Variants in C8A observed in about 807,000 individuals in gnomAD.
C8A encodes complement component C8 alpha chain.
Under a neutral mutation model 65.3 loss-of-function variants are expected in C8A, and 67 were observed. That is an observed-to-expected ratio of 1.03 (90% CI 0.84 to 1.26). The LOEUF is 1.26. Ranked by LOEUF, C8A falls within the 50% of genes most tolerant of loss-of-function variation. C8A has a pLI of 0.00. For missense variants in C8A, 781 were observed against 723.9 expected (o/e 1.08, Z -0.90); for synonymous variants, 290 against 259.4 (o/e 1.12, Z -1.13).
At chr1:56,856,452 T>A (rs929187947) in intron 1 of C8A, among the ~76,000 whole-genome samples, 5 of 152,132 alleles carry the variant, frequency 3.3e-5, no homozygotes, top group African/African-American at 1.2e-4. Context: ...GTTATTGTTA[T>A]TTTTTGGTAT....
At chr1:56,909,403 T>A (rs1644490085) in intron 9 of C8A, among the ~76,000 whole-genome samples, 1 of 152,246 alleles carries the variant, frequency 6.6e-6, no homozygotes, top group Non-Finnish European at 1.5e-5. Flanking sequence ...ACAGGTCAGA[T>A]GGATCAACCT....
chr1:56,863,195 C>G (rs1308146184), intron 1 of C8A, among the ~76,000 whole-genome samples: 2 of 152,146 alleles, frequency 1.3e-5, no homozygotes, highest in East Asian at 3.9e-4. Flanking sequence ...CATTTATGAT[C>G]TTTCTTATGT....
chr1:56,887,848 C>G (rs113748729), intron 7 of C8A, among the ~76,000 whole-genome samples: 1 of 152,096 alleles, frequency 6.6e-6, no homozygotes, highest in South Asian at 2.1e-4. Flanking sequence ...ATGGGTGAAA[C>G]TGGAAACCAT....
intron 5 of C8A, among the ~76,000 whole-genome samples, chr1:56,882,913 C>T (rs1281644144): frequency 2.6e-5 from 4 of 152,182 alleles, no homozygotes; most frequent in African/African-American, 9.6e-5. Context: ...TCCATTTCAA[C>T]ACATGCTCTC....
intron 2 of C8A, among the ~76,000 whole-genome samples, chr1:56,873,222 C>A (rs1229295620): frequency 6.6e-6 from 1 of 152,188 alleles, no homozygotes; most frequent in Admixed American, 6.5e-5. Flanking sequence ...ATGGAATCAC[C>A]TGGAAATACT....
intron 4 of C8A, among the ~76,000 whole-genome samples, chr1:56,876,957 C>A (rs1362401425): frequency 2.0e-5 from 3 of 152,238 alleles, no homozygotes; most frequent in Non-Finnish European, 4.4e-5. Flanking sequence ...CCCAATGTGA[C>A]TGAATTAGGA....
intron 1 of C8A, among the ~76,000 whole-genome samples, chr1:56,867,390 G>C (rs1451496830): frequency 3.3e-5 from 5 of 152,030 alleles, no homozygotes; most frequent in African/African-American, 1.2e-4. Context: ...TTGATGCATG[G>C]GGGACTGATA....
At chr1:56,888,809 C>T (rs1326562463) in intron 7 of C8A, among the ~76,000 whole-genome samples, 2 of 152,162 alleles carry the variant, frequency 1.3e-5, no homozygotes, top group African/African-American at 2.4e-5. Context: ...CACATATTCT[C>T]ATTTAATTTT....
chr1:56,902,714 A>G (rs1644435917), intron 7 of C8A, among the ~76,000 whole-genome samples: 1 of 152,144 alleles, frequency 6.6e-6, no homozygotes, highest in Admixed American at 6.5e-5. Flanking sequence ...GACTATTCAT[A>G]TATCTAATAT....
chr1:56,873,213 T>C (rs1270802812), intron 2 of C8A, among the ~76,000 whole-genome samples: 1 of 152,196 alleles, frequency 6.6e-6, no homozygotes, highest in Non-Finnish European at 1.5e-5. Context: ...AACTCACCCA[T>C]GGAATCACCT....
chr1:56,859,893 C>G (rs374189704), intron 1 of C8A, among the ~76,000 whole-genome samples: 1 of 152,088 alleles, frequency 6.6e-6, no homozygotes, highest in Non-Finnish European at 1.5e-5. Context: ...GAAACTCTGT[C>G]TCTACTAAAA....
chr1:56,885,620 C>T (rs545622749), intron 6 of C8A, among the ~76,000 whole-genome samples: 1 of 146,276 alleles, frequency 6.8e-6, no homozygotes, highest in Non-Finnish European at 1.5e-5. Flanking sequence ...GGAGCGATCT[C>T]GGCTCACCGC....
Position 56,918,003 on chromosome 1 carries a change from G to A in C8A, c.*287G>A, listed in dbSNP as rs1644567613. 1 of 320,896 alleles carries A rather than the reference G, an allele frequency of 3.1e-6. No individual in the cohort carries two copies. Among genetic ancestry groups the A allele is most frequent in the Non-Finnish European group, 5.8e-6 (1 of 172,756 alleles). The allele number at this position is 320,896 out of a possible 1,614,324, so 19.9% of individuals were successfully genotyped here. The stretch of plus-strand genomic sequence containing the variant: ...AAAAAATAAAGTAAAATAGAAAACT[G>A]AGAAAACTCAATCCATGACCAGGGA... On this transcript the variant is annotated 3_prime_UTR_variant, in exon 11 of 11. Transcript: ENST00000361249.
chr1:56,875,142 T>C lies in C8A; in HGVS notation c.316+49T>C, dbSNP rs766323181. ...ACAGCTGTGCCTGTCAAAAGTGACA[T>C]GTGAAACACTTCCCCAGGGAGCTTA... On this transcript the variant is annotated intron_variant, in intron 3 of 10. Coordinates refer to ENST00000361249, the MANE Select transcript of C8A (RefSeq NM_000562.3). 5 of 1,596,944 alleles carry C rather than the reference T, an allele frequency of 3.1e-6. No homozygotes were observed. In the Admixed American group the frequency reaches 5.1e-5, roughly 16 times the overall value.
chr1:56,917,429 G>T (rs886941361), intron 10 of C8A, 136 bp from the exon 11 acceptor site: 1 of 819,106 alleles, frequency 1.2e-6, no homozygotes, highest in Non-Finnish European at 2.1e-6. Context: ...CCTCCAACAA[G>T]CTGCAGTCGA....
chr1:56,917,837 C>A lies in C8A; in HGVS notation c.*121C>A. 1 of 1,225,644 alleles carries A rather than the reference C, an allele frequency of 8.2e-7. No homozygotes were observed. The highest frequency in any genetic ancestry group is 1.2e-6 in the Non-Finnish European group (1 of 857,368). 75.9% of individuals were successfully genotyped at this position (1,225,644 alleles called of 1,614,324 possible). A position where few individuals can be genotyped will look rare whatever the true frequency, so the allele number is the denominator to read the frequency against. ...TCAGCACACTTTTTTCTTTGTTCTGCCAGCTTCCAGGCCTAAGACTAGGTT... is the reference window on the plus strand; with the variant it reads ...TCAGCACACTTTTTTCTTTGTTCTGACAGCTTCCAGGCCTAAGACTAGGTT... On this transcript the variant is annotated 3_prime_UTR_variant, in exon 11 of 11. Coordinates refer to ENST00000361249, the MANE Select transcript of C8A (RefSeq NM_000562.3).
intron 1 of C8A, among the ~76,000 whole-genome samples, chr1:56,860,878 G>T (rs545016297): frequency 6.6e-6 from 1 of 152,192 alleles, no homozygotes; most frequent in Non-Finnish European, 1.5e-5. Context: ...GAACTGGCCA[G>T]AGGCAGGAAG....
chr1:56,901,058 G>C (rs1242910872), intron 7 of C8A, among the ~76,000 whole-genome samples: 1 of 152,132 alleles, frequency 6.6e-6, no homozygotes. Context: ...TTATTCTCAG[G>C]TGTTTTGGAA....
Position 56,883,515 on chromosome 1 carries a change from A to T in C8A, c.689A>T (p.Tyr230Phe). The T allele has an allele frequency of 6.2e-7, 1 of 1,613,324 alleles. No individual in the cohort carries two copies. Among genetic ancestry groups the T allele is most frequent in the South Asian group, 1.1e-5 (1 of 91,066 alleles). Residue 230 changes from tyrosine to phenylalanine, a missense_variant, in exon 6 of 11, where the codon TAT becomes TTT. By Grantham distance (22) the Tyr-to-Phe change is conservative. Transcript: ENST00000361249. ...GATACTGGAATCTCCTCAGAGTTTT[A>T]TGATAATGCAAATGACCTTCTTTCC... ...LADTGISSEF[Y>F]DNANDLLSKV...
Sources: gnomAD v4.1 joint callset for allele counts (sites outside exome capture counted in the v4.1 genomes callset) on GRCh38, gnomAD v4.1.1 for gene constraint, MANE v1.5 for transcripts, NCBI Gene and HGNC (gene_info 2026-07-23, HGNC 2026-07-21) for gene names.